The following DAZAP1 variants were observed in gnomAD, a reference collection of about 807,000 sequenced individuals.
DAZAP1 encodes the protein DAZ-associated protein 1.
DAZAP1 carries 6 observed loss-of-function variants against 60.1 expected under a neutral mutation model. That is an observed-to-expected ratio of 0.10 (90% CI 0.05 to 0.20). The LOEUF is 0.20. Among genes scored for constraint, DAZAP1 ranks in the 10% least tolerant of loss-of-function variants. DAZAP1 has a pLI of 1.00. For missense variants in DAZAP1, 366 were observed against 560.4 expected (o/e 0.65, Z 3.50); for synonymous variants, 235 against 215.9 (o/e 1.09, Z -0.78).
intron 1 of DAZAP1, among the ~76,000 whole-genome samples, chr19:1,408,396 G>T (rs1311977122): frequency 6.6e-6 from 1 of 152,160 alleles, no homozygotes; most frequent in Admixed American, 6.5e-5. Flanking sequence ...CCCAAACTGT[G>T]GCGTGGGGGG....
Position 1,418,050 on chromosome 19 carries a change from C to T in DAZAP1, c.71-154C>T, listed in dbSNP as rs954248267. Among the ~76,000 whole-genome samples, 12 of 152,188 alleles carry T rather than the reference C, an allele frequency of 7.9e-5. No individual in the cohort carries two copies. The highest frequency in any genetic ancestry group is 1.7e-4 in the African/African-American group (7 of 41,438). Reference sequence around the variant, plus strand: ...CCTCAAGTGTGTGTTGGGCAGAATTCCCCAGCGCTTCCCGTACACCCCCCA... The same window carrying T: ...CCTCAAGTGTGTGTTGGGCAGAATTTCCCAGCGCTTCCCGTACACCCCCCA... On this transcript the variant is annotated intron_variant, in intron 2 of 11. Transcript: ENST00000233078. The surrounding 1 kb of genome is among the most constrained non-coding windows in gnomAD (Gnocchi z 5.7).
At chr19:1,429,157 C>T (rs1048633986) in intron 8 of DAZAP1, among the ~76,000 whole-genome samples, 162 bp downstream of exon 8, 1 of 152,134 alleles carries the variant, frequency 6.6e-6, no homozygotes, top group Non-Finnish European at 1.5e-5. Context: ...GGCTGACAGC[C>T]AGCTCCCGGG....
intron 7 of DAZAP1, chr19:1,427,915 A>G (rs906669757): frequency 1.3e-5 from 2 of 152,148 alleles, no homozygotes; most frequent in African/African-American, 4.8e-5. Context: ...CTTTATTCTC[A>G]TTACGATTTA....
intron 1 of DAZAP1, among the ~76,000 whole-genome samples, chr19:1,410,522 G>C (rs550673309): frequency 1.3e-5 from 2 of 152,228 alleles, no homozygotes; most frequent in Non-Finnish European, 2.9e-5. Flanking sequence ...TCTCCAGTGT[G>C]CCCTCCCTGG....
chr19:1,411,156 A>C (rs2082818780), intron 1 of DAZAP1, among the ~76,000 whole-genome samples: 1 of 152,004 alleles, frequency 6.6e-6, no homozygotes, highest in Non-Finnish European at 1.5e-5. Flanking sequence ...CAGTGCGGGG[A>C]GTGATAGGGA....
intron 5 of DAZAP1, among the ~76,000 whole-genome samples, chr19:1,421,937 C>T (rs546952050): frequency 6.6e-6 from 1 of 152,158 alleles, no homozygotes; most frequent in African/African-American, 2.4e-5. Flanking sequence ...GGCTGCCCCG[C>T]CACTTCGAGT....
chr19:1,432,265 A>T lies in DAZAP1; in HGVS notation c.872-249A>T. 1.9e-6 allele frequency: 1 copy of T among 538,188 alleles called. No homozygotes were observed. Among genetic ancestry groups the T allele is most frequent in the Non-Finnish European group, 3.3e-6 (1 of 303,754 alleles). The allele number at this position is 538,188 out of a possible 1,614,324, so 33.3% of individuals were successfully genotyped here. ...AGGCCCACCTGGCGGCTGCTCCGTG[A>T]GGAACGAGGTGGCCCTGCTGCAGCT... On this transcript the variant is annotated intron_variant, in intron 10 of 11. Transcript: ENST00000233078. The surrounding 1 kb of genome is among the most constrained non-coding windows in gnomAD (Gnocchi z 4.9).
chr19:1,421,125 ACTAT>A lies in DAZAP1; in HGVS notation c.304-21_304-18del. 6.2e-7 allele frequency: 1 copy of A among 1,610,746 alleles called. No individual in the cohort carries two copies. The highest frequency in any genetic ancestry group is 8.5e-7 in the Non-Finnish European group (1 of 1,177,020). On this transcript the variant is annotated intron_variant, in intron 4 of 11. Coordinates refer to ENST00000233078, the MANE Select transcript of DAZAP1 (RefSeq NM_018959.4). ...GTTTGGAGGGTTCCCGTGTGAACTA[ACTAT>A]CCTTCCCTTCTTCAACAGCAGAAAG...
At chr19:1,412,688 C>A (rs964577407) in intron 1 of DAZAP1, among the ~76,000 whole-genome samples, 3 of 152,246 alleles carry the variant, frequency 2.0e-5, no homozygotes. Context: ...CGCATAAATA[C>A]CGCACAGGCA....
rs1364992176 is a variant in DAZAP1 at position 1,426,144 on chromosome 19, T to G, written c.546+184T>G. Among the ~76,000 whole-genome samples the G allele has an allele frequency of 6.6e-6, 1 of 152,182 alleles. No homozygotes were observed. Among genetic ancestry groups the G allele is most frequent in the Non-Finnish European group, 1.5e-5 (1 of 68,014 alleles). ...AGGGTCCCATCCTTCCCCAGCACCC[T>G]TCCTGCGGGGTGGGGATCTCTCAGC... On this transcript the variant is annotated intron_variant, in intron 7 of 11. Coordinates refer to ENST00000233078, the MANE Select transcript of DAZAP1 (RefSeq NM_018959.4). The surrounding 1 kb of genome is among the most constrained non-coding windows in gnomAD (Gnocchi z 5.4).
intron 5 of DAZAP1, 26 bp downstream of exon 5, chr19:1,421,284 A>G: frequency 6.3e-7 from 1 of 1,593,690 alleles, no homozygotes. Flanking sequence ...CCCCGGCAGC[A>G]CTGTGGGGAC....
chr19:1,419,250 CACCTT>C (rs2083076834), intron 4 of DAZAP1, among the ~76,000 whole-genome samples: 1 of 152,246 alleles, frequency 6.6e-6, no homozygotes, highest in African/African-American at 2.4e-5. Context: ...ACCCACACCT[CACCTT>C]CCTCCAGCCC....
At chr19:1,417,602 G>C in intron 2 of DAZAP1, 62 bp downstream of exon 2, 1 of 1,466,404 alleles carries the variant, frequency 6.8e-7, no homozygotes, top group Non-Finnish European at 9.3e-7. Context: ...CGGCCTTCAA[G>C]TTGTGTCTGC....
chr19:1,413,929 C>CA (rs1324639825), intron 1 of DAZAP1, among the ~76,000 whole-genome samples: 7 of 152,046 alleles, frequency 4.6e-5, no homozygotes, highest in South Asian at 2.1e-4. Flanking sequence ...CTGCCAGACT[C>CA]ACCATTGGCT....
At chr19:1,417,372 T>C (rs1206847902) in intron 1 of DAZAP1, 128 bp from the exon 2 acceptor site, 4 of 1,009,834 alleles carry the variant, frequency 4.0e-6, no homozygotes, top group Non-Finnish European at 6.0e-6. Flanking sequence ...TTGTATGCCG[T>C]CACGTGCACA....
intron 7 of DAZAP1, chr19:1,427,114 T>C (rs2083323677): frequency 6.6e-6 from 1 of 152,270 alleles, no homozygotes; most frequent in Admixed American, 6.5e-5. Context: ...CAATCCTTGT[T>C]CTGACATCGA....
intron 1 of DAZAP1, among the ~76,000 whole-genome samples, chr19:1,410,851 G>A (rs554715485): frequency 6.6e-6 from 1 of 152,230 alleles, no homozygotes; most frequent in Non-Finnish European, 1.5e-5. Flanking sequence ...GGGACACCTG[G>A]AAATATTGTA....
chr19:1,417,794 C>T (rs1158359405), intron 2 of DAZAP1, among the ~76,000 whole-genome samples: 1 of 152,166 alleles, frequency 6.6e-6, no homozygotes, highest in Non-Finnish European at 1.5e-5. Flanking sequence ...CTTGTGGAGG[C>T]AGACAGCTGT....
rs569903875 is a variant in DAZAP1 at position 1,432,325 on chromosome 19, C to T, written c.872-189C>T. 6 of 649,794 alleles carry T rather than the reference C, an allele frequency of 9.2e-6. No individual in the cohort carries two copies. The highest frequency in any genetic ancestry group is 2.7e-5 in the East Asian group (1 of 37,282). The allele number at this position is 649,794 out of a possible 1,614,324, so 40.3% of individuals were successfully genotyped here. ...GCCACGCTCCCAGGAGTGTGTGTTT[C>T]CTGGGGGGAGCGGCCCGGGACCGTG... is the stretch of plus-strand genomic sequence containing the variant. On this transcript the variant is annotated intron_variant, in intron 10 of 11. Coordinates refer to ENST00000233078, the MANE Select transcript of DAZAP1 (RefSeq NM_018959.4). The surrounding 1 kb of genome is among the most constrained non-coding windows in gnomAD (Gnocchi z 4.9).
Sources: gnomAD v4.1 joint callset for allele counts (sites outside exome capture counted in the v4.1 genomes callset) on GRCh38, gnomAD v4.1.1 for gene constraint, Gnocchi (gnomAD v3.1) non-coding constraint, MANE v1.5 for transcripts, NCBI Gene and HGNC (gene_info 2026-07-23, HGNC 2026-07-21) for gene names.